ARHGAP10: variants seen among roughly 807,000 people sequenced by gnomAD.
The protein encoded by ARHGAP10 is Rho GTPase activating protein 10.
A neutral mutation model predicts 108.6 loss-of-function variants in ARHGAP10; 87 were observed. That is an observed-to-expected ratio of 0.80 (90% CI 0.67 to 0.96). The LOEUF is 0.96. ARHGAP10 is among the 40% of genes least tolerant of loss of function. The pLI is 0.00. For missense variants in ARHGAP10, 939 were observed against 954.5 expected (o/e 0.98, Z 0.21); for synonymous variants, 347 against 341.1 (o/e 1.02, Z -0.19).
At chr4:147,909,882 C>G (rs1736664862) in intron 12 of ARHGAP10, 105 bp downstream of exon 12, 5 of 1,110,376 alleles carry the variant, frequency 4.5e-6, no homozygotes, top group Non-Finnish European at 6.7e-6. Flanking sequence ...TCTGCACCCT[C>G]TATTAGACAG....
chr4:147,976,227 G>T (rs1031497652), intron 18 of ARHGAP10, among the ~76,000 whole-genome samples: 25 of 152,160 alleles, frequency 1.6e-4, no homozygotes, highest in Non-Finnish European at 3.7e-4. Context: ...ATGGGAAAAA[G>T]AAATCTCTTT....
chr4:147,899,145 T>TGGAG (rs1315598966), intron 10 of ARHGAP10, among the ~76,000 whole-genome samples: 1 of 152,168 alleles, frequency 6.6e-6, no homozygotes, highest in Non-Finnish European at 1.5e-5. Flanking sequence ...GGACAAGAGT[T>TGGAG]GGAGGGCGGG....
intron 1 of ARHGAP10, among the ~76,000 whole-genome samples, chr4:147,764,555 A>T (rs1235581043): frequency 6.6e-6 from 1 of 151,554 alleles, no homozygotes; most frequent in African/African-American, 2.4e-5. Flanking sequence ...ATTTTTTGAG[A>T]TAGAGTCTCA....
chr4:148,062,765 C>T (rs903184452), intron 20 of ARHGAP10, among the ~76,000 whole-genome samples: 3 of 152,002 alleles, frequency 2.0e-5, no homozygotes, highest in African/African-American at 2.4e-5. Context: ...TTGCAGCTGC[C>T]GGTCATGTGC....
chr4:148,070,399 C>A (rs904318164), intron 22 of ARHGAP10, among the ~76,000 whole-genome samples: 5 of 152,184 alleles, frequency 3.3e-5, no homozygotes, highest in African/African-American at 1.2e-4. Flanking sequence ...AAGGAAAGTG[C>A]AGGCGGTTAG....
At chr4:147,804,308 T>C (rs1350994700) in intron 1 of ARHGAP10, among the ~76,000 whole-genome samples, 3 of 152,212 alleles carry the variant, frequency 2.0e-5, no homozygotes, top group Non-Finnish European at 4.4e-5. Flanking sequence ...GCTCCATCCA[T>C]GTTGCTGCAA....
intron 13 of ARHGAP10, among the ~76,000 whole-genome samples, chr4:147,937,173 C>A (rs566295632): frequency 1.3e-5 from 2 of 152,282 alleles, no homozygotes; most frequent in South Asian, 4.1e-4. Flanking sequence ...AATCAATTTT[C>A]TCACAATTCT....
At chr4:148,038,341 A>T (rs1209006739) in intron 19 of ARHGAP10, among the ~76,000 whole-genome samples, 1 of 152,204 alleles carries the variant, frequency 6.6e-6, no homozygotes, top group African/African-American at 2.4e-5. Context: ...TCTCATGCTT[A>T]GTTCAAAGAT....
intron 1 of ARHGAP10, among the ~76,000 whole-genome samples, chr4:147,772,432 A>C (rs1266259777): frequency 6.6e-6 from 1 of 152,098 alleles, no homozygotes; most frequent in Non-Finnish European, 1.5e-5. Context: ...GACAGATGGG[A>C]AGTTTAGAGC....
intron 5 of ARHGAP10, among the ~76,000 whole-genome samples, chr4:147,860,311 A>G (rs1280949912): frequency 1.3e-5 from 2 of 152,112 alleles, no homozygotes; most frequent in South Asian, 2.1e-4. Flanking sequence ...GTGTGGTGGC[A>G]GGTGCCTGCA....
At chr4:147,872,372 G>T (rs1260872392) in intron 7 of ARHGAP10, among the ~76,000 whole-genome samples, 1 of 152,140 alleles carries the variant, frequency 6.6e-6, no homozygotes, top group Non-Finnish European at 1.5e-5. Context: ...AGAGAGGCTG[G>T]AAAGAAACCT....
intron 3 of ARHGAP10, among the ~76,000 whole-genome samples, chr4:147,845,337 T>G (rs1733589039): frequency 6.6e-6 from 1 of 152,264 alleles, no homozygotes; most frequent in Non-Finnish European, 1.5e-5. Context: ...GTATCTGGCT[T>G]ACATCTTCTC....
intron 3 of ARHGAP10, among the ~76,000 whole-genome samples, chr4:147,841,865 A>G (rs1271892450): frequency 6.6e-6 from 1 of 152,194 alleles, no homozygotes; most frequent in African/African-American, 2.4e-5. Flanking sequence ...TGCCACAACT[A>G]CTACTATCCT....
intron 10 of ARHGAP10, among the ~76,000 whole-genome samples, chr4:147,888,633 G>T (rs1055599706): frequency 6.6e-6 from 1 of 152,094 alleles, no homozygotes; most frequent in Non-Finnish European, 1.5e-5. Context: ...AGATGAAGCT[G>T]CTTTTTAAAA....
chr4:147,779,167 G>A (rs566874781), intron 1 of ARHGAP10, among the ~76,000 whole-genome samples: 1 of 152,290 alleles, frequency 6.6e-6, no homozygotes, highest in Admixed American at 6.5e-5. Flanking sequence ...TGCTGATGTT[G>A]CTGGTTCAGG....
At position 147,939,900 on chromosome 4, in the gene ARHGAP10, G is replaced by A; in HGVS notation, c.1303+1G>A. ...CAGAGACTTCTGAGTATGTTGATGG[G>A]TATGCCTCTTTTCTAATCATTTTTC... On this transcript the variant is annotated splice_donor_variant, in intron 14 of 22. Transcript: ENST00000336498. LOFTEE classifies it high-confidence loss of function. 6.2e-7 allele frequency: 1 copy of A among 1,612,002 alleles called. No individual in the cohort carries two copies. The highest frequency in any genetic ancestry group is 2.2e-5 in the East Asian group (1 of 44,854).
At chr4:148,018,590 C>G (rs927544443) in intron 18 of ARHGAP10, among the ~76,000 whole-genome samples, 1 of 148,482 alleles carries the variant, frequency 6.7e-6, no homozygotes, top group African/African-American at 2.5e-5. Context: ...AAAAAAAAGG[C>G]TTCAGAACTG....
At chr4:148,012,975 A>G (rs189989151) in intron 18 of ARHGAP10, among the ~76,000 whole-genome samples, 20 of 151,158 alleles carry the variant, frequency 1.3e-4, no homozygotes, top group Middle Eastern at 3.4e-3. Flanking sequence ...GTGTTTGCCA[A>G]CATTTCTACA....
intron 10 of ARHGAP10, among the ~76,000 whole-genome samples, chr4:147,882,290 G>A (rs1048118582): frequency 1.3e-5 from 2 of 151,946 alleles, no homozygotes; most frequent in Non-Finnish European, 2.9e-5. Context: ...GTGAAACTCT[G>A]TCTCTACTAA....
Sources: gnomAD v4.1 joint callset for allele counts (sites outside exome capture counted in the v4.1 genomes callset) on GRCh38, gnomAD v4.1.1 for gene constraint, MANE v1.5 for transcripts, NCBI Gene and HGNC (gene_info 2026-07-23, HGNC 2026-07-21) for gene names.